The following ATP2C2 variants were observed in gnomAD, a reference collection of about 807,000 sequenced individuals.
The protein encoded by ATP2C2 is calcium-transporting ATPase type 2C member 2.
Under a neutral mutation model 110.8 loss-of-function variants are expected in ATP2C2, and 171 were observed. The ratio of observed to expected loss-of-function variants is 1.54; its 90% CI spans 1.36 to 1.75. The LOEUF (loss-of-function observed/expected upper bound fraction) is 1.75, where lower values mean the gene tolerates loss of function less well. ATP2C2 is among the 40% of genes most tolerant of loss of function. The pLI, the probability that ATP2C2 is intolerant of heterozygous loss-of-function variation, is 0.00. For missense variants in ATP2C2, 1,963 were observed against 1,235.0 expected (o/e 1.59, Z -8.84); for synonymous variants, 804 against 508.4 (o/e 1.58, Z -7.82).
Position 84,368,629 on chromosome 16 carries a change from G to A in ATP2C2, c.14G>A (p.Arg5His), listed in dbSNP as rs557810368. MVEG[R>H]VSEFLKKLGF... ...CGCCCGCTCACCATGGTCGAGGGACGCGTCTCCGAGTTCCTGAAGAAACTC... is the reference window on the plus strand; with the variant it reads ...CGCCCGCTCACCATGGTCGAGGGACACGTCTCCGAGTTCCTGAAGAAACTC... The change falls in exon 1 of 27, where the codon CGC (arginine) becomes CAC (histidine). Residue 5 changes from arginine (R) to histidine (H), a missense_variant. Coordinates refer to ENST00000262429, the MANE Select transcript of ATP2C2 (RefSeq NM_014861.4). 9 of 1,560,482 alleles carry A rather than the reference G, an allele frequency of 5.8e-6. No homozygotes were observed. The South Asian group carries it at 6.9e-5, about 12-fold the overall frequency.
At chr16:84,460,599 G>C in intron 23 of ATP2C2, 55 bp from the exon 24 acceptor site, 6 of 1,612,416 alleles carry the variant, frequency 3.7e-6, no homozygotes, top group Non-Finnish European at 5.1e-6. Context: ...TGTTTCAAGG[G>C]TCCTTTATTT....
At chr16:84,395,582 C>A (rs943203067) in intron 1 of ATP2C2, among the ~76,000 whole-genome samples, 3 of 151,920 alleles carry the variant, frequency 2.0e-5, no homozygotes, top group Non-Finnish European at 2.9e-5. Context: ...GACTCTGGCT[C>A]ATTGCAACCT....
intron 26 of ATP2C2, 109 bp downstream of exon 26, chr16:84,462,238 G>A: frequency 2.8e-6 from 4 of 1,415,922 alleles, no homozygotes; most frequent in Non-Finnish European, 2.9e-6. Context: ...GGAAAGCAGA[G>A]CTCACCAGGG....
chr16:84,401,523 G>T (rs932958912), intron 2 of ATP2C2, among the ~76,000 whole-genome samples: 3 of 152,074 alleles, frequency 2.0e-5, no homozygotes, highest in African/African-American at 7.2e-5. Context: ...TGAGAGATGG[G>T]GTGAAATTTC....
At chr16:84,402,788 A>G (rs1905418688) in intron 2 of ATP2C2, among the ~76,000 whole-genome samples, 1 of 152,150 alleles carries the variant, frequency 6.6e-6, no homozygotes, top group Admixed American at 6.5e-5. Flanking sequence ...TTTTGGTATC[A>G]GGGTAATACT....
intron 6 of ATP2C2, among the ~76,000 whole-genome samples, chr16:84,412,458 C>G (rs925760967): frequency 1.5e-5 from 2 of 136,788 alleles, no homozygotes; most frequent in Admixed American, 1.5e-4. Flanking sequence ...GTGTCTGTGT[C>G]TCCGTGTGTG....
At chr16:84,422,962 G>T (rs148216584) in intron 9 of ATP2C2, among the ~76,000 whole-genome samples, 15 of 152,150 alleles carry the variant, frequency 9.9e-5, no homozygotes, top group African/African-American at 3.4e-4. Context: ...ACCACACCTG[G>T]CCTCTTTTCA....
At chr16:84,412,518 CTGTGTGTG>C in intron 6 of ATP2C2, among the ~76,000 whole-genome samples, 1 of 121,306 alleles carries the variant, frequency 8.2e-6, no homozygotes, top group South Asian at 2.9e-4. Context: ...CTGTGTGTGT[CTGTGTGTG>C]CATGTGTCTG....
chr16:84,377,911 G>A (rs1910341817), intron 1 of ATP2C2, among the ~76,000 whole-genome samples: 1 of 152,196 alleles, frequency 6.6e-6, no homozygotes. Flanking sequence ...CTCAGGAGAA[G>A]CGGGCATGGT....
At chr16:84,455,068 A>AGCGG in intron 21 of ATP2C2, 84 bp downstream of exon 21, 1 of 1,250,378 alleles carries the variant, frequency 8.0e-7, no homozygotes, top group Non-Finnish European at 1.1e-6. Flanking sequence ...CTGTGGAGAT[A>AGCGG]GAGGGGGGGG....
At chr16:84,379,950 G>A (rs1207506877) in intron 1 of ATP2C2, among the ~76,000 whole-genome samples, 1 of 152,186 alleles carries the variant, frequency 6.6e-6, no homozygotes, top group Non-Finnish European at 1.5e-5. Context: ...AAAGTCCAGT[G>A]CCATCTGGGA....
rs76795650 is a variant in ATP2C2 at position 84,454,907 on chromosome 16, C to A, written c.2070C>A (p.Ala690=). 1,002 of 1,614,014 alleles carry A rather than the reference C, an allele frequency of 6.2e-4. 12 individuals carry two copies. The South Asian group carries it at 0.01, about 17-fold the overall frequency. Residue 690 remains alanine, a synonymous_variant, in exon 21 of 27, where the codon GCC becomes GCA. Transcript: ENST00000262429. ...VALKSADIGI[A]MGQTGTDVSK... ...TGAAGTCTGCAGACATTGGGATCGC[C>A]ATGGGGCAGACAGGGACGGACGTCA...
At chr16:84,375,045 A>G (rs1437707921) in intron 1 of ATP2C2, among the ~76,000 whole-genome samples, 1 of 152,236 alleles carries the variant, frequency 6.6e-6, no homozygotes, top group Non-Finnish European at 1.5e-5. Flanking sequence ...GACTTGTCTC[A>G]TATCAGATAC....
At chr16:84,388,135 G>A (rs1904426093) in intron 1 of ATP2C2, among the ~76,000 whole-genome samples, 1 of 152,054 alleles carries the variant, frequency 6.6e-6, no homozygotes, top group South Asian at 2.1e-4. Context: ...AGACCAGCCT[G>A]GCCAAATGGT....
chr16:84,440,909 AG>A lies in ATP2C2; in HGVS notation c.1264del (p.Glu422LysfsTer14). The A allele has an allele frequency of 6.2e-7, 1 of 1,613,672 alleles. No homozygotes were observed. The highest frequency in any genetic ancestry group is 1.1e-5 in the South Asian group (1 of 90,742). On this transcript the variant is annotated frameshift_variant, in exon 14 of 27. Coordinates refer to ENST00000262429, the MANE Select transcript of ATP2C2 (RefSeq NM_014861.4). LOFTEE classifies it high-confidence loss of function. ...GGGACTGTGTGTCTTCTACCATCCA[AG>A]GAAGTCATTAAGGAATTTTCCAATG... Reference protein sequence around the residue: ...GQGTVCLLPSKEVIKEFSNVS... With the variant: ...GQGTVCLLPSXEVIKEFSNVS...
chr16:84,421,945 C>G (rs1385409195), intron 7 of ATP2C2, among the ~76,000 whole-genome samples: 1 of 151,980 alleles, frequency 6.6e-6, no homozygotes, highest in Non-Finnish European at 1.5e-5. Flanking sequence ...GTCTCTGTGT[C>G]CCTGTCTGTG....
chr16:84,410,738 C>T lies in ATP2C2; in HGVS notation c.488C>T (p.Thr163Ile), dbSNP rs752728199. The change falls in exon 6 of 27, where the codon ACC (threonine) becomes ATC (isoleucine). Residue 163 changes from threonine to isoleucine, a missense_variant. Physicochemically the swap from Thr to Ile is moderately conservative, Grantham distance 89 (BLOSUM62 -1). Coordinates refer to ENST00000262429, the MANE Select transcript of ATP2C2 (RefSeq NM_014861.4). ...TCGGAGAAATCTCTGGAAGAGCTGA[C>T]CAAGCTGGTTCCTCCAGAATGTAAC... is the stretch of plus-strand genomic sequence containing the variant. The part of the protein sequence containing the change: ...YRSEKSLEEL[T>I]KLVPPECNCL... The T allele has an allele frequency of 1.5e-5, 25 of 1,614,164 alleles. 1 individual carries two copies. The South Asian group carries it at 2.4e-4, about 16-fold the overall frequency.
At chr16:84,446,545 GTTCCAAATACA>G in intron 16 of ATP2C2, 115 bp downstream of exon 16, 2 of 626,954 alleles carry the variant, frequency 3.2e-6, no homozygotes, top group Middle Eastern at 5.6e-4. Context: ...CTTCTGTGAC[GTTCCAAATACA>G]TGGAAAAACT....
chr16:84,419,855 G>A (rs1173448551), intron 7 of ATP2C2, among the ~76,000 whole-genome samples: 1 of 152,152 alleles, frequency 6.6e-6, no homozygotes, highest in Non-Finnish European at 1.5e-5. Flanking sequence ...GGACTGCTAA[G>A]GGACCCATGA....
Sources: gnomAD v4.1 joint callset for allele counts (sites outside exome capture counted in the v4.1 genomes callset) on GRCh38, gnomAD v4.1.1 for gene constraint, MANE v1.5 for transcripts, NCBI Gene and HGNC (gene_info 2026-07-23, HGNC 2026-07-21) for gene names.